ALK: variants seen among roughly 807,000 people sequenced by gnomAD.
ALK encodes the protein ALK tyrosine kinase receptor.
ALK carries 74 observed loss-of-function variants against 163.1 expected under a neutral mutation model. That is an observed-to-expected ratio of 0.45 (90% CI 0.38 to 0.55). The LOEUF (loss-of-function observed/expected upper bound fraction) is 0.55, where lower values mean the gene tolerates loss of function less well. Among genes scored for constraint, ALK ranks in the 20% least tolerant of loss-of-function variants. ALK has a pLI of 0.00. For missense variants in ALK, 2,063 were observed against 2,105.3 expected (o/e 0.98, Z 0.39); for synonymous variants, 960 against 843.2 (o/e 1.14, Z -2.40).
At position 29,586,491 on chromosome 2, in the gene ALK, C is replaced by T. The variant is rs1023330350; in HGVS notation, c.953-54375G>A. 2.6e-5 allele frequency among the ~76,000 whole-genome samples: 4 copies of T among 152,150 alleles called. No homozygotes were observed. The East Asian group carries it at 7.7e-4, about 29-fold the overall frequency. Reference sequence around the variant, plus strand: ...TGCTCTGATCTTTTAAATTTAACTACATTTAGTTAAAATCTAGAATTAATC... The same window carrying T: ...TGCTCTGATCTTTTAAATTTAACTATATTTAGTTAAAATCTAGAATTAATC... On this transcript the variant is annotated intron_variant, in intron 3 of 28. Coordinates refer to ENST00000389048, the MANE Select transcript of ALK (RefSeq NM_004304.5).
At chr2:29,373,571 C>T (rs567276167) in intron 5 of ALK, among the ~76,000 whole-genome samples, 1 of 152,280 alleles carries the variant, frequency 6.6e-6, no homozygotes, top group East Asian at 1.9e-4. Context: ...TTCCAATGAT[C>T]GAATATTTAA....
At chr2:29,375,890 G>A (rs1392138434) in intron 5 of ALK, among the ~76,000 whole-genome samples, 1 of 152,126 alleles carries the variant, frequency 6.6e-6, no homozygotes, top group Non-Finnish European at 1.5e-5. Flanking sequence ...TCTTGGACAA[G>A]CACCTCATCC....
chr2:29,744,180 G>A (rs1472907011), intron 1 of ALK, among the ~76,000 whole-genome samples: 1 of 152,172 alleles, frequency 6.6e-6, no homozygotes, highest in East Asian at 1.9e-4. Flanking sequence ...GGAGGAAACT[G>A]AGGCCCCACA....
At chr2:29,700,459 G>T (rs1289362352) in intron 2 of ALK, among the ~76,000 whole-genome samples, 3 of 152,164 alleles carry the variant, frequency 2.0e-5, no homozygotes, top group Non-Finnish European at 4.4e-5. Flanking sequence ...CAGGAGAATG[G>T]CTTGAACCCG....
intron 1 of ALK, among the ~76,000 whole-genome samples, chr2:29,909,830 A>G (rs557095472): frequency 1.3e-5 from 2 of 152,334 alleles, no homozygotes; most frequent in East Asian, 3.9e-4. Context: ...AGACTTCTCT[A>G]AACTCCCTCA....
intron 4 of ALK, among the ~76,000 whole-genome samples, chr2:29,447,458 GGA>G (rs1455416041): frequency 6.6e-6 from 1 of 151,590 alleles, no homozygotes; most frequent in African/African-American, 2.4e-5. Flanking sequence ...AGTGGCTTTA[GGA>G]GGGAAAAAAA....
At chr2:29,540,065 T>C (rs1037687900) in intron 3 of ALK, among the ~76,000 whole-genome samples, 2 of 152,184 alleles carry the variant, frequency 1.3e-5, no homozygotes, top group African/African-American at 4.8e-5. Context: ...TTATTGGATA[T>C]AGTGGTTATT....
chr2:29,897,130 G>A (rs1302932146), intron 1 of ALK, among the ~76,000 whole-genome samples: 2 of 152,184 alleles, frequency 1.3e-5, no homozygotes, highest in South Asian at 2.1e-4. Context: ...GACCAGCCTG[G>A]CCAACATGGT....
intron 3 of ALK, among the ~76,000 whole-genome samples, chr2:29,580,218 C>T (rs1674640988): frequency 6.6e-6 from 1 of 152,168 alleles, no homozygotes; most frequent in Admixed American, 6.5e-5. Flanking sequence ...GCCAGTCAAA[C>T]CCATTTATCT....
At chr2:29,494,609 G>A (rs1046907702) in intron 4 of ALK, among the ~76,000 whole-genome samples, 3 of 152,192 alleles carry the variant, frequency 2.0e-5, no homozygotes, top group African/African-American at 7.2e-5. Flanking sequence ...CCCCTCTGCA[G>A]TTTGAGGTAA....
Position 29,583,507 on chromosome 2 carries a change from T to C in ALK, c.953-51391A>G, listed in dbSNP as rs370739120. On this transcript the variant is annotated intron_variant, in intron 3 of 28. Coordinates refer to ENST00000389048, the MANE Select transcript of ALK (RefSeq NM_004304.5). ...GCAAAACCCTTCACAAAGAACACAA[T>C]AGATGCATCCTCATTCTAATTCCAA... Among the ~76,000 whole-genome samples, 11 of 134,730 alleles carry C rather than the reference T, an allele frequency of 8.2e-5. No individual in the cohort carries two copies. The East Asian group carries it at 1.5e-3, about 19-fold the overall frequency. 88.4% of individuals were successfully genotyped at this position (134,730 alleles called of 152,430 possible).
At chr2:29,835,940 A>C (rs551134992) in intron 1 of ALK, among the ~76,000 whole-genome samples, 9 of 152,288 alleles carry the variant, frequency 5.9e-5, no homozygotes, top group African/African-American at 1.7e-4. Flanking sequence ...CTTTATCGGC[A>C]GTGTGAAAAT....
chr2:29,653,627 A>T (rs988670006), intron 3 of ALK, among the ~76,000 whole-genome samples: 3 of 152,208 alleles, frequency 2.0e-5, no homozygotes, highest in African/African-American at 7.2e-5. Flanking sequence ...CCAGATATGG[A>T]TTGGATGCTC....
chr2:29,883,576 A>C (rs1666918238), intron 1 of ALK, among the ~76,000 whole-genome samples: 1 of 152,206 alleles, frequency 6.6e-6, no homozygotes, highest in Non-Finnish European at 1.5e-5. Flanking sequence ...CTCAGTAAAG[A>C]ATGCTGAATT....
At chr2:29,816,934 A>T (rs977745822) in intron 1 of ALK, among the ~76,000 whole-genome samples, 2 of 152,210 alleles carry the variant, frequency 1.3e-5, no homozygotes, top group African/African-American at 4.8e-5. Context: ...GAGAGAGGGA[A>T]CAATAAAAAG....
Position 29,251,347 on chromosome 2 carries a change from A to G in ALK, c.2042-80T>C, listed in dbSNP as rs534082676. 5.1e-5 allele frequency: 73 copies of G among 1,426,576 alleles called. No homozygotes were observed. In the Admixed American group the frequency reaches 1.0e-3, roughly 20 times the overall value. The allele number at this position is 1,426,576 out of a possible 1,614,324, so 88.4% of individuals were successfully genotyped here. A position where few individuals can be genotyped will look rare whatever the true frequency, so the allele number is the denominator to read the frequency against. ...GGGGCCTCCCTGGGTGGCCTCTGAGATATCTGCTCCATGGCCCCAAACCCT... is the reference window on the plus strand; with the variant it reads ...GGGGCCTCCCTGGGTGGCCTCTGAGGTATCTGCTCCATGGCCCCAAACCCT... On this transcript the variant is annotated intron_variant, in intron 11 of 28. Coordinates refer to ENST00000389048, the MANE Select transcript of ALK (RefSeq NM_004304.5).
At chr2:29,541,111 C>T (rs1404909649) in intron 3 of ALK, among the ~76,000 whole-genome samples, 1 of 152,180 alleles carries the variant, frequency 6.6e-6, no homozygotes, top group African/African-American at 2.4e-5. Flanking sequence ...GCAATGCCAC[C>T]TCCTGGAATG....
intron 1 of ALK, among the ~76,000 whole-genome samples, chr2:29,746,077 A>G (rs899021636): frequency 2.0e-5 from 3 of 152,208 alleles, no homozygotes; most frequent in African/African-American, 7.2e-5. Context: ...TGACATAGGT[A>G]TTACAATTAT....
intron 2 of ALK, among the ~76,000 whole-genome samples, chr2:29,711,878 T>C (rs13382715): frequency 0.056 from 8,579 of 152,222 alleles, 797 homozygotes; most frequent in African/African-American, 0.19. Context: ...TTGTGAAAAG[T>C]GTTTTGAATG....
Sources: allele counts gnomAD v4.1 joint callset (sites outside exome capture counted in the v4.1 genomes callset), GRCh38; gene constraint gnomAD v4.1.1; transcripts MANE v1.5; gene names NCBI Gene and HGNC (gene_info 2026-07-23, HGNC 2026-07-21).